Variants in CLTC observed in about 807,000 individuals in gnomAD.
CLTC encodes the protein clathrin heavy chain 1.
CLTC carries 16 observed loss-of-function variants against 195.8 expected under a neutral mutation model. The ratio of observed to expected loss-of-function variants is 0.08; its 90% CI spans 0.06 to 0.12. The LOEUF (loss-of-function observed/expected upper bound fraction) is 0.12, where lower values mean the gene tolerates loss of function less well. Among genes scored for constraint, CLTC ranks in the 10% least tolerant of loss-of-function variants. The pLI is 1.00. For missense variants in CLTC, 796 were observed against 2,027.0 expected (o/e 0.39, Z 11.66); for synonymous variants, 667 against 689.4 (o/e 0.97, Z 0.51).
chr17:59,640,911 G>A (rs1320266893), intron 1 of CLTC, among the ~76,000 whole-genome samples: 1 of 151,962 alleles, frequency 6.6e-6, no homozygotes, highest in African/African-American at 2.4e-5. Flanking sequence ...ATGAGGTCAA[G>A]AGATCGAGAC....
chr17:59,647,289 G>A lies in CLTC; in HGVS notation c.251-109G>A, dbSNP rs1367061112. Reference sequence around the variant, plus strand: ...GGTTGCTGCTGTATCGATGCAACTCGTCTCGTAATAGAACTATTTTTGTTT... The same window carrying A: ...GGTTGCTGCTGTATCGATGCAACTCATCTCGTAATAGAACTATTTTTGTTT... On this transcript the variant is annotated intron_variant, in intron 2 of 31. Transcript: ENST00000269122. 18 of 809,556 alleles carry A rather than the reference G, an allele frequency of 2.2e-5. No individual in the cohort carries two copies. In the African/African-American group the frequency reaches 2.6e-4, roughly 12 times the overall value. 50.1% of individuals were successfully genotyped at this position (809,556 alleles called of 1,614,324 possible).
chr17:59,621,465 C>A (rs2031376770), intron 1 of CLTC, among the ~76,000 whole-genome samples: 1 of 152,138 alleles, frequency 6.6e-6, no homozygotes, highest in African/African-American at 2.4e-5. Context: ...TCCCCATTGG[C>A]ATAGCATACA....
At chr17:59,661,689 T>C in intron 8 of CLTC, 46 bp downstream of exon 8, 4 of 1,542,912 alleles carry the variant, frequency 2.6e-6, no homozygotes, top group Non-Finnish European at 3.6e-6. Flanking sequence ...TTGCATTAAA[T>C]ATGATATTGG....
intron 2 of CLTC, 102 bp from the exon 3 acceptor site, chr17:59,647,296 A>G (rs1018244603): frequency 1.1e-6 from 1 of 877,678 alleles, no homozygotes; most frequent in Non-Finnish European, 1.7e-6. Flanking sequence ...CTCGTCTCGT[A>G]ATAGAACTAT....
Position 59,680,894 on chromosome 17 carries a change from C to A in CLTC, c.2920-18C>A. 1 of 1,575,680 alleles carries A rather than the reference C, an allele frequency of 6.3e-7. No homozygotes were observed. The highest frequency in any genetic ancestry group is 8.6e-7 in the Non-Finnish European group (1 of 1,162,158). The stretch of plus-strand genomic sequence containing the variant: ...CCAACTTGATTCTCAGTACTTATGT[C>A]CCATATATCCTCTGTAGGTTGTACA... On this transcript the variant is annotated intron_variant, in intron 18 of 31. Transcript: ENST00000269122.
At chr17:59,631,600 G>A (rs1333622533) in intron 1 of CLTC, among the ~76,000 whole-genome samples, 3 of 152,204 alleles carry the variant, frequency 2.0e-5, no homozygotes, top group Non-Finnish European at 4.4e-5. Context: ...TCTGAAATCA[G>A]TTAAGAGCAG....
chr17:59,682,589 C>G lies in CLTC; in HGVS notation c.3601-40C>G. 6.2e-7 allele frequency: 1 copy of G among 1,608,862 alleles called. No individual in the cohort carries two copies. Among genetic ancestry groups the G allele is most frequent in the South Asian group, 1.1e-5 (1 of 90,768 alleles). ...ATTTGAAAAGAGGATTAAGCTCACA[C>G]TAATATCTTGCTGAATGTGGGTTAC... On this transcript the variant is annotated intron_variant, in intron 22 of 31. Coordinates refer to ENST00000269122, the MANE Select transcript of CLTC (RefSeq NM_004859.4). The surrounding 1 kb of genome is among the most constrained non-coding windows in gnomAD (Gnocchi z 6.8).
intron 1 of CLTC, among the ~76,000 whole-genome samples, chr17:59,632,239 G>T (rs2031742565): frequency 6.6e-6 from 1 of 151,798 alleles, no homozygotes; most frequent in Non-Finnish European, 1.5e-5. Flanking sequence ...GCGGTGGCGG[G>T]TGCCTGTAGT....
Position 59,679,792 on chromosome 17 carries a change from T to C in CLTC, c.2919+273T>C, listed in dbSNP as rs1335913614. ...AACATACATTAAGAAAAATAAGCCA[T>C]GTGCGGTGGCTCACGCCTGTAATTC... On this transcript the variant is annotated intron_variant, in intron 18 of 31. Coordinates refer to ENST00000269122, the MANE Select transcript of CLTC (RefSeq NM_004859.4). Among the ~76,000 whole-genome samples the C allele has an allele frequency of 3.3e-5, 5 of 152,074 alleles. No individual in the cohort carries two copies. The South Asian group carries it at 8.3e-4, about 25-fold the overall frequency.
intron 9 of CLTC, 77 bp from the exon 10 acceptor site, chr17:59,664,710 T>A (rs2032688309): frequency 1.3e-6 from 2 of 1,505,490 alleles, no homozygotes; most frequent in Non-Finnish European, 1.8e-6. Context: ...ATTAGTGAGA[T>A]TTTATAGTAG....
chr17:59,626,733 T>C (rs2031564717), intron 1 of CLTC, among the ~76,000 whole-genome samples: 1 of 152,248 alleles, frequency 6.6e-6, no homozygotes, highest in Non-Finnish European at 1.5e-5. Flanking sequence ...GGGTGTCTTG[T>C]CTTTGCTTCT....
chr17:59,661,752 A>G (rs746955076), intron 8 of CLTC, 109 bp downstream of exon 8: 22 of 892,812 alleles, frequency 2.5e-5, no homozygotes, highest in Non-Finnish European at 3.5e-5. Context: ...TGCTGGTAGA[A>G]ACAGAACAAA....
At position 59,666,433 on chromosome 17, in the gene CLTC, A is replaced by T. The variant is rs760860688; in HGVS notation, c.1783-47A>T. ...CTGTAATACGGATATTGAATTACTC[A>T]TGTAAGTGGAGTGGACAATAAACTT... On this transcript the variant is annotated intron_variant, in intron 11 of 31. Transcript: ENST00000269122. The surrounding 1 kb of genome is among the most constrained non-coding windows in gnomAD (Gnocchi z 4.9). 25 of 1,590,668 alleles carry T rather than the reference A, an allele frequency of 1.6e-5. No individual in the cohort carries two copies. The South Asian group carries it at 2.8e-4, about 18-fold the overall frequency.
chr17:59,694,149 G>A lies in CLTC; in HGVS notation c.*297G>A, dbSNP rs1184969348. The A allele has an allele frequency of 1.5e-5, 4 of 260,950 alleles. No individual in the cohort carries two copies. The highest frequency in any genetic ancestry group is 1.1e-4 in the Admixed American group (2 of 18,862). The allele number at this position is 260,950 out of a possible 1,614,324, so 16.2% of individuals were successfully genotyped here. A position where few individuals can be genotyped will look rare whatever the true frequency, so the allele number is the denominator to read the frequency against. ...TGCTCAATATTCAATCTGTTGTGAA[G>A]AACCTGATTTGCACTCTGTAGTGTT... On this transcript the variant is annotated 3_prime_UTR_variant, in exon 32 of 32. Coordinates refer to ENST00000269122, the MANE Select transcript of CLTC (RefSeq NM_004859.4).
At chr17:59,642,017 T>G (rs997082086) in intron 1 of CLTC, among the ~76,000 whole-genome samples, 14 of 151,604 alleles carry the variant, frequency 9.2e-5, no homozygotes, top group African/African-American at 3.4e-4. Context: ...TTTTTTTTTT[T>G]TTTTTTACAA....
At chr17:59,638,753 A>C (rs569403812) in intron 1 of CLTC, among the ~76,000 whole-genome samples, 1 of 152,156 alleles carries the variant, frequency 6.6e-6, no homozygotes, top group African/African-American at 2.4e-5. Context: ...ATGACTGCTC[A>C]TTGGCTGCTC....
chr17:59,658,271 C>T (rs1308483964), intron 6 of CLTC, among the ~76,000 whole-genome samples: 1 of 152,160 alleles, frequency 6.6e-6, no homozygotes, highest in Non-Finnish European at 1.5e-5. Context: ...CTCCTGGGCT[C>T]AAGCGATCCT....
Position 59,683,842 on chromosome 17 carries a change from T to C in CLTC, c.4324-33T>C. 2 of 1,609,968 alleles carry C rather than the reference T, an allele frequency of 1.2e-6. No individual in the cohort carries two copies. Among genetic ancestry groups the C allele is most frequent in the Non-Finnish European group, 1.7e-6 (2 of 1,176,460 alleles). ...TTTTGTCCCTGGGACTTCAATAATG[T>C]GCTATATTTGTAACAAACTCTTTAT... is the stretch of plus-strand genomic sequence containing the variant. On this transcript the variant is annotated intron_variant, in intron 27 of 31. Coordinates refer to ENST00000269122, the MANE Select transcript of CLTC (RefSeq NM_004859.4). This position sits in a 1 kb window ranked among gnomAD's most constrained non-coding sequence, Gnocchi z 6.1.
At chr17:59,672,844 G>A (rs1453299273) in intron 14 of CLTC, among the ~76,000 whole-genome samples, 3 of 152,236 alleles carry the variant, frequency 2.0e-5, no homozygotes, top group Non-Finnish European at 2.9e-5. Context: ...AGTAGACTGT[G>A]TTAGAGGAAT....
Sources: allele counts gnomAD v4.1 joint callset (sites outside exome capture counted in the v4.1 genomes callset), GRCh38; gene constraint gnomAD v4.1.1; non-coding constraint Gnocchi (gnomAD v3.1); transcripts MANE v1.5; gene names NCBI Gene and HGNC (gene_info 2026-07-23, HGNC 2026-07-21).